HNF4A: variants seen among roughly 807,000 people sequenced by gnomAD.
HNF4A encodes hepatocyte nuclear factor 4 alpha.
A neutral mutation model predicts 52.4 loss-of-function variants in HNF4A; 15 were observed. The observed-to-expected ratio is 0.29, with a 90% CI of 0.19 to 0.44. HNF4A has a LOEUF of 0.44. Among genes scored for constraint, HNF4A ranks in the 20% least tolerant of loss-of-function variants. The probability of loss-of-function intolerance (pLI) is 1.00; values close to 1 mark genes in which losing one functional copy is unlikely to be tolerated. For synonymous variants in HNF4A, 280 were observed against 264.4 expected, an observed-to-expected ratio of 1.06 and a Z score of -0.57; for missense variants, 479 against 647.2, an observed-to-expected ratio of 0.74 and a Z score of 2.82.
At position 44,401,295 on chromosome 20, in the gene HNF4A, G is replaced by A; in HGVS notation, c.-78G>A. ...GCAGAGAGGGCACTGGGAGGAGGCA[G>A]TGGGAGGGCGGAGGGCGGGGGCCTT... On this transcript the variant is annotated 5_prime_UTR_variant, in exon 1 of 10. Transcript: ENST00000316099. 6.2e-7 allele frequency: 1 copy of A among 1,606,520 alleles called. No homozygotes were observed. The highest frequency in any genetic ancestry group is 8.5e-7 in the Non-Finnish European group (1 of 1,177,702).
At chr20:44,366,492 G>A (rs1265508548) in intron 1 of HNF4A, among the ~76,000 whole-genome samples, 5 of 152,022 alleles carry the variant, frequency 3.3e-5, no homozygotes, top group South Asian at 4.2e-4. Flanking sequence ...ATGGTGGCAC[G>A]CACCTGTAAT....
At chr20:44,390,858 T>C (rs2063294555) in intron 1 of HNF4A, among the ~76,000 whole-genome samples, 1 of 151,976 alleles carries the variant, frequency 6.6e-6, no homozygotes, top group Non-Finnish European at 1.5e-5. Context: ...AGAAGGAGAA[T>C]CCAGACGACC....
intron 1 of HNF4A, among the ~76,000 whole-genome samples, chr20:44,393,199 G>A (rs1422138005): frequency 6.6e-6 from 1 of 152,188 alleles, no homozygotes; most frequent in Non-Finnish European, 1.5e-5. Flanking sequence ...TAATTCCCAA[G>A]GTCACCCCTG....
chr20:44,369,695 C>G (rs748935042), intron 1 of HNF4A, among the ~76,000 whole-genome samples: 2 of 152,126 alleles, frequency 1.3e-5, no homozygotes, highest in Non-Finnish European at 2.9e-5. Flanking sequence ...GAGTTGGAGT[C>G]TCACTCTGTC....
At chr20:44,374,711 G>C (rs555319879) in intron 1 of HNF4A, among the ~76,000 whole-genome samples, 2 of 152,160 alleles carry the variant, frequency 1.3e-5, no homozygotes, top group African/African-American at 2.4e-5. Flanking sequence ...TGATCCGCCC[G>C]CCTCGGCCTC....
intron 1 of HNF4A, among the ~76,000 whole-genome samples, chr20:44,360,602 T>C (rs1180708805): frequency 6.6e-6 from 1 of 151,978 alleles, no homozygotes; most frequent in Non-Finnish European, 1.5e-5. Context: ...TGGGCTGAGG[T>C]AGCCTGGAAT....
intron 1 of HNF4A, among the ~76,000 whole-genome samples, chr20:44,357,682 T>C (rs2062873145): frequency 6.6e-6 from 1 of 152,126 alleles, no homozygotes; most frequent in Non-Finnish European, 1.5e-5. Context: ...ATTAGAATGG[T>C]TGCTTCTATC....
intron 8 of HNF4A, 39 bp downstream of exon 8, chr20:44,424,293 G>C: frequency 6.2e-7 from 1 of 1,609,194 alleles, no homozygotes; most frequent in Non-Finnish European, 8.5e-7. Flanking sequence ...TTGGAGTGGG[G>C]ACTCCCCAGG....
chr20:44,372,841 G>A (rs769454418), intron 1 of HNF4A: 4 of 152,280 alleles, frequency 2.6e-5, no homozygotes, highest in East Asian at 3.9e-4. Flanking sequence ...GACTTAGGGG[G>A]CCGGGAGGAA....
At chr20:44,410,579 T>C (rs1402300948) in intron 3 of HNF4A, among the ~76,000 whole-genome samples, 3 of 151,990 alleles carry the variant, frequency 2.0e-5, no homozygotes, top group African/African-American at 7.3e-5. Flanking sequence ...GACAAGTTTT[T>C]ATTTCTTTTT....
intron 7 of HNF4A, among the ~76,000 whole-genome samples, chr20:44,422,582 G>A (rs1355563258): frequency 1.3e-5 from 2 of 151,174 alleles, no homozygotes; most frequent in Non-Finnish European, 2.9e-5. Context: ...CTAGGCTAAG[G>A]ATCTAGAATT....
At chr20:44,405,583 C>T (rs528067383) in intron 1 of HNF4A, among the ~76,000 whole-genome samples, 2 of 152,248 alleles carry the variant, frequency 1.3e-5, no homozygotes, top group South Asian at 2.1e-4. Context: ...TGACTGTTCT[C>T]GGCCCAAGTC....
At chr20:44,380,878 A>G (rs1212744964) in intron 1 of HNF4A, among the ~76,000 whole-genome samples, 1 of 152,158 alleles carries the variant, frequency 6.6e-6, no homozygotes, top group Non-Finnish European at 1.5e-5. Context: ...GTTTTATTCC[A>G]AAGGTTTTAT....
At chr20:44,402,750 T>C in intron 1 of HNF4A, 1 of 498,642 alleles carries the variant, frequency 2.0e-6, no homozygotes, top group South Asian at 1.7e-5. Flanking sequence ...GAGGTCAGCC[T>C]GCCACCCTGC....
Position 44,358,305 on chromosome 20 carries a change from G to A in HNF4A, c.49+2452G>A, listed in dbSNP as rs139895831. On this transcript the variant is annotated intron_variant, in intron 1 of 9. Transcript: ENST00000316673. ...TTCTGAGAAAAGAAACAAGTGCTCCGAGGAAACAAAACCCCTCTCCCAGGC... is the reference window on the plus strand; with the variant it reads ...TTCTGAGAAAAGAAACAAGTGCTCCAAGGAAACAAAACCCCTCTCCCAGGC... Among the ~76,000 whole-genome samples, 4 of 151,596 alleles carry A rather than the reference G, an allele frequency of 2.6e-5. No homozygotes were observed. The East Asian group carries it at 5.8e-4, about 22-fold the overall frequency.
chr20:44,393,435 T>C (rs1216140772), intron 1 of HNF4A, among the ~76,000 whole-genome samples: 1 of 152,218 alleles, frequency 6.6e-6, no homozygotes, highest in Non-Finnish European at 1.5e-5. Flanking sequence ...CCCTGCTCTC[T>C]GCCCTTCTCC....
chr20:44,413,804 C>G lies in HNF4A; in HGVS notation c.492+4C>G. The G allele has an allele frequency of 5.0e-6, 8 of 1,596,742 alleles. No homozygotes were observed. Among genetic ancestry groups the G allele is most frequent in the Non-Finnish European group, 6.0e-6 (7 of 1,166,048 alleles). On this transcript the variant is annotated splice_donor_region_variant and intron_variant, in intron 4 of 9. Transcript: ENST00000316099. ...GGCGGAGGTCCTGTCCCGACAGGTACCGGGGTGATCCTGCCACCCACCCAG... is the reference window on the plus strand; with the variant it reads ...GGCGGAGGTCCTGTCCCGACAGGTAGCGGGGTGATCCTGCCACCCACCCAG...
At chr20:44,389,443 C>T (rs1008000011) in intron 1 of HNF4A, among the ~76,000 whole-genome samples, 6 of 152,204 alleles carry the variant, frequency 3.9e-5, no homozygotes, top group African/African-American at 1.4e-4. Flanking sequence ...GGGACACGCT[C>T]ATACTAACGA....
intron 1 of HNF4A, among the ~76,000 whole-genome samples, chr20:44,386,993 C>T (rs1390090556): frequency 6.6e-6 from 1 of 152,064 alleles, no homozygotes; most frequent in African/African-American, 2.4e-5. Context: ...AACAACTATC[C>T]ATTAAACACT....
Sources: allele counts gnomAD v4.1 joint callset (sites outside exome capture counted in the v4.1 genomes callset), GRCh38; gene constraint gnomAD v4.1.1; transcripts MANE v1.5; gene names NCBI Gene and HGNC (gene_info 2026-07-23, HGNC 2026-07-21).